The following SH3GL2 variants were observed in gnomAD, a reference collection of about 807,000 sequenced individuals.
SH3GL2 encodes the protein SH3 domain containing GRB2 like 2, endophilin A1.
SH3GL2 carries 24 observed loss-of-function variants against 46.0 expected under a neutral mutation model. The ratio of observed to expected loss-of-function variants is 0.52; its 90% CI spans 0.38 to 0.73. SH3GL2 has a LOEUF of 0.73. Among genes scored for constraint, SH3GL2 ranks in the 30% least tolerant of loss-of-function variants. SH3GL2 has a pLI of 0.00. For synonymous variants in SH3GL2, 196 were observed against 147.1 expected (o/e 1.33, Z -2.40); for missense variants, 413 against 424.2 (o/e 0.97, Z 0.23).
At chr9:17,580,696 C>T (rs900848271) in intron 1 of SH3GL2, among the ~76,000 whole-genome samples, 3 of 152,178 alleles carry the variant, frequency 2.0e-5, no homozygotes, top group African/African-American at 4.8e-5. Flanking sequence ...CTTCTAATAA[C>T]TTTATACTGC....
At chr9:17,654,093 A>G (rs1179362550) in intron 1 of SH3GL2, among the ~76,000 whole-genome samples, 1 of 152,148 alleles carries the variant, frequency 6.6e-6, no homozygotes, top group South Asian at 2.1e-4. Context: ...CAAGACACGG[A>G]GAGAGCTGCA....
intron 1 of SH3GL2, among the ~76,000 whole-genome samples, chr9:17,640,634 A>G (rs1018716792): frequency 7.9e-5 from 12 of 152,224 alleles, no homozygotes; most frequent in African/African-American, 2.9e-4. Flanking sequence ...GATGTAGCAG[A>G]CAGCATATGC....
chr9:17,742,966 A>G (rs1435631746), intron 1 of SH3GL2, among the ~76,000 whole-genome samples: 1 of 152,354 alleles, frequency 6.6e-6, no homozygotes, highest in African/African-American at 2.4e-5. Flanking sequence ...TGTTAGTCAA[A>G]GTATACTAAG....
intron 1 of SH3GL2, among the ~76,000 whole-genome samples, chr9:17,645,913 T>G (rs1318701637): frequency 6.6e-6 from 1 of 152,138 alleles, no homozygotes; most frequent in Non-Finnish European, 1.5e-5. Context: ...ATTTGAATGT[T>G]GGCCTGTCTT....
rs374528271 is a variant in SH3GL2 at position 17,738,565 on chromosome 9, C to CATATAT, written c.46-8495_46-8490dup. ...ACATAAGTGTGTGTGTATATACATACATATATATATAGAGAGAGAGAGAGA... is the reference window on the plus strand; with the variant it reads ...ACATAAGTGTGTGTGTATATACATACATATATATATATATATAGAGAGAGAGAGAGA... On this transcript the variant is annotated intron_variant, in intron 1 of 8. Coordinates refer to ENST00000380607, the MANE Select transcript of SH3GL2 (RefSeq NM_003026.5). 1.3e-3 allele frequency among the ~76,000 whole-genome samples: 71 copies of CATATAT among 53,232 alleles called. 1 individual carries two copies. The highest frequency in any genetic ancestry group is 6.5e-3 in the East Asian group (4 of 616). The allele number at this position is 53,232 out of a possible 152,430, so 34.9% of individuals were successfully genotyped here.
intron 1 of SH3GL2, chr9:17,630,546 G>A (rs1170495011): frequency 6.6e-6 from 1 of 152,230 alleles, no homozygotes; most frequent in African/African-American, 2.4e-5. Context: ...TGGCTGGGAA[G>A]GGCAGAATGT....
intron 1 of SH3GL2, among the ~76,000 whole-genome samples, chr9:17,601,971 T>C (rs1818680829): frequency 6.6e-6 from 1 of 152,202 alleles, no homozygotes; most frequent in Non-Finnish European, 1.5e-5. Context: ...TCTTATAGAT[T>C]GTTCATATAT....
chr9:17,606,967 C>T (rs1270743324), intron 1 of SH3GL2, among the ~76,000 whole-genome samples: 6 of 152,332 alleles, frequency 3.9e-5, no homozygotes, highest in South Asian at 2.1e-4. Context: ...CCTGTAAACA[C>T]ACAGTGATTC....
At chr9:17,681,490 T>A in intron 1 of SH3GL2, among the ~76,000 whole-genome samples, 1 of 152,038 alleles carries the variant, frequency 6.6e-6, no homozygotes. Flanking sequence ...TAAGAAAACA[T>A]GGGCTTAATA....
chr9:17,587,607 G>A (rs949341900), intron 1 of SH3GL2, among the ~76,000 whole-genome samples: 12 of 152,168 alleles, frequency 7.9e-5, no homozygotes, highest in African/African-American at 2.9e-4. Context: ...GCCAAGTGCG[G>A]TAGCTCATGC....
chr9:17,768,212 A>T (rs1823372040), intron 3 of SH3GL2, among the ~76,000 whole-genome samples: 1 of 151,898 alleles, frequency 6.6e-6, no homozygotes, highest in Non-Finnish European at 1.5e-5. Flanking sequence ...TCTACTAAAA[A>T]TACAAAAAAG....
intron 1 of SH3GL2, among the ~76,000 whole-genome samples, chr9:17,612,637 C>T (rs914655874): frequency 2.6e-5 from 4 of 152,148 alleles, no homozygotes; most frequent in African/African-American, 9.7e-5. Context: ...AGTGTGTTCT[C>T]ATTTTACTTG....
chr9:17,746,131 G>A (rs1040194922), intron 1 of SH3GL2, among the ~76,000 whole-genome samples: 7 of 152,314 alleles, frequency 4.6e-5, no homozygotes, highest in African/African-American at 1.7e-4. Flanking sequence ...CTGGAGTGCA[G>A]TGGTGGGATC....
chr9:17,729,194 G>C (rs376607660), intron 1 of SH3GL2, among the ~76,000 whole-genome samples: 1 of 152,060 alleles, frequency 6.6e-6, no homozygotes. Flanking sequence ...CTGTGGTTTT[G>C]ATTTGCATTT....
At chr9:17,627,315 C>T (rs532089979) in intron 1 of SH3GL2, among the ~76,000 whole-genome samples, 7 of 152,224 alleles carry the variant, frequency 4.6e-5, no homozygotes, top group Non-Finnish European at 1.0e-4. Flanking sequence ...TCCTATGAGG[C>T]AGAGAGCTAG....
intron 3 of SH3GL2, among the ~76,000 whole-genome samples, chr9:17,783,716 C>G (rs1823876668): frequency 1.3e-5 from 2 of 152,120 alleles, no homozygotes; most frequent in South Asian, 4.1e-4. Flanking sequence ...CTTTTATGGT[C>G]ATCCTAATTT....
At chr9:17,741,703 T>C (rs1239223167) in intron 1 of SH3GL2, among the ~76,000 whole-genome samples, 1 of 152,236 alleles carries the variant, frequency 6.6e-6, no homozygotes, top group Non-Finnish European at 1.5e-5. Flanking sequence ...GCTGTGTTAA[T>C]TACTGAAGTC....
At chr9:17,743,517 G>A (rs2118509230) in intron 1 of SH3GL2, among the ~76,000 whole-genome samples, 1 of 150,012 alleles carries the variant, frequency 6.7e-6, no homozygotes, top group Admixed American at 6.6e-5. Flanking sequence ...TCTCATTGAG[G>A]CACTCCTCCC....
Position 17,732,337 on chromosome 9 carries a change from G to A in SH3GL2, c.46-14729G>A, listed in dbSNP as rs191020298. Reference sequence around the variant, plus strand: ...CAAATGCATGGTGGTTCAGGGGAATGATATCAAAGAGAATTAATTAGAAAT... The same window carrying A: ...CAAATGCATGGTGGTTCAGGGGAATAATATCAAAGAGAATTAATTAGAAAT... On this transcript the variant is annotated intron_variant, in intron 1 of 8. Transcript: ENST00000380607. Among the ~76,000 whole-genome samples the A allele has an allele frequency of 2.1e-3, 327 of 152,240 alleles. 3 individuals are homozygous for A. Among genetic ancestry groups the A allele is most frequent in the African/African-American group, 7.6e-3 (315 of 41,552 alleles).
Sources: gnomAD v4.1 joint callset for allele counts (sites outside exome capture counted in the v4.1 genomes callset) on GRCh38, gnomAD v4.1.1 for gene constraint, MANE v1.5 for transcripts, NCBI Gene and HGNC (gene_info 2026-07-23, HGNC 2026-07-21) for gene names.